The following HS3ST4 variants were observed in gnomAD, a reference collection of about 807,000 sequenced individuals.
HS3ST4 encodes heparan sulfate-glucosamine 3-sulfotransferase 4.
A neutral mutation model predicts 29.2 loss-of-function variants in HS3ST4; 17 were observed. The ratio of observed to expected loss-of-function variants is 0.58; its 90% CI spans 0.40 to 0.87. HS3ST4 has a LOEUF of 0.87. Ranked by LOEUF, HS3ST4 falls within the 40% of genes least tolerant of loss-of-function variation. HS3ST4 has a pLI of 0.00. For missense variants in HS3ST4, 627 were observed against 634.5 expected, an observed-to-expected ratio of 0.99 and a Z score of 0.13; for synonymous variants, 314 against 285.7, an observed-to-expected ratio of 1.10 and a Z score of -1.00.
At chr16:25,734,810 T>A (rs756579703) in intron 1 of HS3ST4, among the ~76,000 whole-genome samples, 28 of 152,022 alleles carry the variant, frequency 1.8e-4, no homozygotes, top group Non-Finnish European at 3.4e-4. Flanking sequence ...GCCTAAGGAG[T>A]CACCTGATGG....
intron 1 of HS3ST4, among the ~76,000 whole-genome samples, chr16:26,039,731 C>A (rs1020423191): frequency 2.0e-5 from 3 of 152,064 alleles, no homozygotes; most frequent in African/African-American, 7.2e-5. Flanking sequence ...CTCCCCCCAC[C>A]CTTTCACTAC....
At chr16:25,998,122 G>A (rs958950496) in intron 1 of HS3ST4, among the ~76,000 whole-genome samples, 1 of 151,962 alleles carries the variant, frequency 6.6e-6, no homozygotes, top group African/African-American at 2.4e-5. Context: ...CATTAGCCAG[G>A]TATGGTAGCA....
intron 1 of HS3ST4, among the ~76,000 whole-genome samples, chr16:26,117,523 T>C (rs1899216295): frequency 6.6e-6 from 1 of 152,244 alleles, no homozygotes; most frequent in African/African-American, 2.4e-5. Flanking sequence ...TTCCATGTTA[T>C]ATCTGCATTT....
chr16:26,047,889 C>T (rs919485761), intron 1 of HS3ST4, among the ~76,000 whole-genome samples: 6 of 152,130 alleles, frequency 3.9e-5, no homozygotes, highest in African/African-American at 1.4e-4. Context: ...AGTGGAATTT[C>T]TACTTTTGTG....
At position 25,693,046 on chromosome 16, in the gene HS3ST4, C is replaced by T; in HGVS notation, c.629C>T (p.Thr210Ile). 6.2e-7 allele frequency: 1 copy of T among 1,611,028 alleles called. No homozygotes were observed. The highest frequency in any genetic ancestry group is 8.5e-7 in the Non-Finnish European group (1 of 1,178,960). The stretch of plus-strand genomic sequence containing the variant: ...ATCATCGGGGTCAAGAAAGGAGGGA[C>T]CCGCGCGCTGCTGGAGGCGATCCGC... The part of the protein sequence containing the change: ...ALIIGVKKGG[T>I]RALLEAIRVH... Residue 210 changes from threonine (T) to isoleucine (I), a missense_variant, in exon 1 of 2, where the codon ACC becomes ATC. Thr to Ile is a moderately conservative substitution (Grantham distance 89, BLOSUM62 -1). Transcript: ENST00000331351.
At chr16:25,951,640 G>A (rs190136833) in intron 1 of HS3ST4, among the ~76,000 whole-genome samples, 63 of 152,130 alleles carry the variant, frequency 4.1e-4, no homozygotes, top group African/African-American at 1.4e-3. Flanking sequence ...AGCTCTTGGG[G>A]TTAAGGTGCG....
At chr16:25,800,382 G>A (rs944039214) in intron 1 of HS3ST4, among the ~76,000 whole-genome samples, 1 of 150,968 alleles carries the variant, frequency 6.6e-6, no homozygotes, top group Non-Finnish European at 1.5e-5. Context: ...CTTTTTCTCT[G>A]TCTCTTTTTC....
rs147175162 is a variant in HS3ST4 at position 25,800,933 on chromosome 16, C to T, written c.734+107782C>T. Among the ~76,000 whole-genome samples the T allele has an allele frequency of 2.5e-3, 373 of 152,216 alleles. 3 individuals carry two copies. Among genetic ancestry groups the T allele is most frequent in the African/African-American group, 8.3e-3 (344 of 41,554 alleles). On this transcript the variant is annotated intron_variant, in intron 1 of 1. Transcript: ENST00000331351. ...CCTTGATCTTGGACTTCCCAGCTTT[C>T]AGAACTGCAAAAAATACCTTTCTAT...
intron 1 of HS3ST4, among the ~76,000 whole-genome samples, chr16:25,828,246 T>TTCCTTTCTTTCTTTCTTTCTTTTTCTG (rs1967245240): frequency 1.8e-4 from 10 of 55,914 alleles, no homozygotes; most frequent in African/African-American, 7.4e-4. Context: ...TTCTTTCTCT[T>TTCCTTTCTTTCTTTCTTTCTTTTTCTG]TCTTTCTTTC....
At chr16:25,754,562 A>C (rs1966743805) in intron 1 of HS3ST4, among the ~76,000 whole-genome samples, 1 of 152,162 alleles carries the variant, frequency 6.6e-6, no homozygotes, top group East Asian at 1.9e-4. Context: ...AGGGGTTTTA[A>C]TTGACTCACA....
chr16:25,757,242 A>G (rs919110991), intron 1 of HS3ST4, among the ~76,000 whole-genome samples: 2 of 152,120 alleles, frequency 1.3e-5, no homozygotes, highest in South Asian at 4.1e-4. Flanking sequence ...CATTATTTTG[A>G]TTACTGTAGC....
chr16:25,919,552 G>A (rs117938842), intron 1 of HS3ST4, among the ~76,000 whole-genome samples: 2,486 of 152,212 alleles, frequency 0.016, 24 homozygotes, highest in Non-Finnish European at 0.024. Context: ...GTAAGCGGGG[G>A]GACTTGGTGA....
intron 1 of HS3ST4, among the ~76,000 whole-genome samples, chr16:25,755,930 T>A (rs948020247): frequency 6.6e-6 from 1 of 152,194 alleles, no homozygotes; most frequent in African/African-American, 2.4e-5. Flanking sequence ...TTTCCTTGAC[T>A]TATGTCTTCA....
At chr16:26,055,104 T>G (rs912778781) in intron 1 of HS3ST4, among the ~76,000 whole-genome samples, 1 of 150,584 alleles carries the variant, frequency 6.6e-6, no homozygotes, top group South Asian at 2.1e-4. Context: ...GATGAGTTGT[T>G]TTTTTTTTTC....
At chr16:26,134,509 CG>C (rs1898255230) in intron 1 of HS3ST4, among the ~76,000 whole-genome samples, 1 of 151,724 alleles carries the variant, frequency 6.6e-6, no homozygotes, top group Non-Finnish European at 1.5e-5. Context: ...ACTGCAGGCG[CG>C]TGCCACCATG....
At chr16:25,879,327 G>T (rs547013698) in intron 1 of HS3ST4, among the ~76,000 whole-genome samples, 1 of 152,038 alleles carries the variant, frequency 6.6e-6, no homozygotes, top group Non-Finnish European at 1.5e-5. Context: ...GTATTAGTCC[G>T]TTTTCATGTT....
chr16:25,774,927 C>T (rs1481770109), intron 1 of HS3ST4, among the ~76,000 whole-genome samples: 1 of 152,206 alleles, frequency 6.6e-6, no homozygotes, highest in Non-Finnish European at 1.5e-5. Context: ...CATAATGCCC[C>T]AGCTCATAGC....
intron 1 of HS3ST4, among the ~76,000 whole-genome samples, chr16:26,007,701 A>C (rs1969270692): frequency 6.6e-6 from 1 of 151,992 alleles, no homozygotes; most frequent in Admixed American, 6.6e-5. Flanking sequence ...AGAAGCCTTC[A>C]CTCATCAGAT....
At chr16:25,749,287 A>G (rs1966703808) in intron 1 of HS3ST4, among the ~76,000 whole-genome samples, 2 of 152,130 alleles carry the variant, frequency 1.3e-5, no homozygotes, top group South Asian at 4.1e-4. Context: ...TGAGCCCAGG[A>G]GTTCAAGACC....
Sources: gnomAD v4.1 joint callset for allele counts (sites outside exome capture counted in the v4.1 genomes callset) on GRCh38, gnomAD v4.1.1 for gene constraint, MANE v1.5 for transcripts, NCBI Gene and HGNC (gene_info 2026-07-23, HGNC 2026-07-21) for gene names.